ARNT2: variants seen among roughly 807,000 people sequenced by gnomAD.
ARNT2 encodes aryl hydrocarbon receptor nuclear translocator 2.
ARNT2 carries 36 observed loss-of-function variants against 91.7 expected under a neutral mutation model. That is an observed-to-expected ratio of 0.39 (90% CI 0.30 to 0.52). The LOEUF (loss-of-function observed/expected upper bound fraction) is 0.52, where lower values mean the gene tolerates loss of function less well. Among genes scored for constraint, ARNT2 ranks in the 20% least tolerant of loss-of-function variants. The pLI, the probability that ARNT2 is intolerant of heterozygous loss-of-function variation, is 0.72. For synonymous variants in ARNT2, 365 were observed against 347.1 expected, an observed-to-expected ratio of 1.05 and a Z score of -0.57; for missense variants, 775 against 939.3, an observed-to-expected ratio of 0.83 and a Z score of 2.29.
At chr15:80,522,820 G>GTGTATATATA (rs548555538) in intron 8 of ARNT2, among the ~76,000 whole-genome samples, 15 of 135,760 alleles carry the variant, frequency 1.1e-4, no homozygotes, top group South Asian at 2.4e-4. Flanking sequence ...GTGTGTGTGT[G>GTGTATATATA]TATATATATA....
chr15:80,518,764 T>A (rs1229562610), intron 8 of ARNT2, among the ~76,000 whole-genome samples: 1 of 152,118 alleles, frequency 6.6e-6, no homozygotes, highest in Non-Finnish European at 1.5e-5. Flanking sequence ...CCTTAGGCCA[T>A]ATGGGAAGGA....
At chr15:80,492,097 G>C (rs1897065498) in intron 5 of ARNT2, among the ~76,000 whole-genome samples, 1 of 151,888 alleles carries the variant, frequency 6.6e-6, no homozygotes, top group African/African-American at 2.4e-5. Flanking sequence ...CTGGAGTGCA[G>C]TGGCACCATC....
chr15:80,486,919 C>G lies in ARNT2; in HGVS notation c.622+11696C>G, dbSNP rs557989820. Among the ~76,000 whole-genome samples the G allele has an allele frequency of 9.2e-5, 14 of 152,304 alleles. No homozygotes were observed. The South Asian group carries it at 2.9e-3, about 32-fold the overall frequency. On this transcript the variant is annotated intron_variant, in intron 5 of 18. Transcript: ENST00000303329. The stretch of plus-strand genomic sequence containing the variant: ...GGTTACAGGTTGAGCCTTGCTGTAT[C>G]GATTCCTCTGCTTCACTTTCCTGCT...
rs150387697 is a variant in ARNT2, at chr15:80,499,624, G to A, written c.623-8532G>A. On this transcript the variant is annotated intron_variant, in intron 5 of 18. Transcript: ENST00000303329. ...CAGATTCTCAAAGAGAAAAGAGGGG[G>A]AAAGGTGGCAAAGGTCACATTTTGC... is the stretch of plus-strand genomic sequence containing the variant. Among the ~76,000 whole-genome samples the A allele has an allele frequency of 1.9e-3, 282 of 152,336 alleles. 1 individual carries two copies. The highest frequency in any genetic ancestry group is 6.6e-3 in the African/African-American group (275 of 41,576).
At position 80,446,170 on chromosome 15, in the gene ARNT2, G is replaced by C. The variant is rs79092632; in HGVS notation, c.32-4710G>C. Among the ~76,000 whole-genome samples, 87 of 152,160 alleles carry C rather than the reference G, an allele frequency of 5.7e-4. 1 individual carries two copies. Among genetic ancestry groups the C allele is most frequent in the African/African-American group, 1.7e-3 (71 of 41,502 alleles). On this transcript the variant is annotated intron_variant, in intron 1 of 18. Coordinates refer to ENST00000303329, the MANE Select transcript of ARNT2 (RefSeq NM_014862.4). ...AAGGCACAGAGAGGCTAAGTAATTT[G>C]CTCAAGGGTTATATAAAGATCACAC...
chr15:80,432,638 C>T (rs1022566549), intron 1 of ARNT2, among the ~76,000 whole-genome samples: 3 of 152,030 alleles, frequency 2.0e-5, no homozygotes, highest in Non-Finnish European at 4.4e-5. Context: ...AAAAGTTTGC[C>T]AACCTGTGGC....
intron 1 of ARNT2, among the ~76,000 whole-genome samples, chr15:80,410,767 TCTATCTATCTATC>T (rs1895669433): frequency 3.9e-5 from 2 of 51,948 alleles, no homozygotes; most frequent in South Asian, 1.0e-3. Flanking sequence ...TATCTATCTA[TCTATCTATCTATC>T]TATCTATCTA....
intron 1 of ARNT2, among the ~76,000 whole-genome samples, chr15:80,414,541 ATGAAATCCG>A (rs1389123673): frequency 6.6e-6 from 1 of 152,236 alleles, no homozygotes; most frequent in Non-Finnish European, 1.5e-5. Flanking sequence ...TGAGATAATT[ATGAAATCCG>A]TGATGGAAGT....
chr15:80,588,997 G>A (rs973864457), intron 17 of ARNT2, among the ~76,000 whole-genome samples: 2 of 152,296 alleles, frequency 1.3e-5, no homozygotes, highest in East Asian at 3.9e-4. Context: ...TATTTGCCAA[G>A]TGAATAAATG....
intron 8 of ARNT2, among the ~76,000 whole-genome samples, chr15:80,526,392 A>G (rs1186654892): frequency 1.3e-5 from 2 of 152,240 alleles, no homozygotes; most frequent in Non-Finnish European, 2.9e-5. Context: ...CTTCTACCCC[A>G]TTGTTATCAC....
rs560969565 is a variant in ARNT2 at position 80,512,293 on chromosome 15, G to A, written c.726-1618G>A. 3.9e-5 allele frequency among the ~76,000 whole-genome samples: 6 copies of A among 152,280 alleles called. No homozygotes were observed. In the South Asian group the frequency reaches 1.2e-3, roughly 32 times the overall value. ...GCAGAGACCATTTGTTCTGTTTTAC[G>A]AGAAATGGCCCTTCAGGGATTTGAG... is the stretch of plus-strand genomic sequence containing the variant. On this transcript the variant is annotated intron_variant, in intron 6 of 18. Coordinates refer to ENST00000303329, the MANE Select transcript of ARNT2 (RefSeq NM_014862.4).
In ARNT2 at chr15:80,470,679, C is replaced by T. The variant is rs79148831; in HGVS notation, c.408+248C>T. Among the ~76,000 whole-genome samples the T allele has an allele frequency of 3.6e-3, 551 of 152,332 alleles. 1 individual carries two copies. The highest frequency in any genetic ancestry group is 0.012 in the African/African-American group (503 of 41,578). On this transcript the variant is annotated intron_variant, in intron 4 of 18. Transcript: ENST00000303329. ...AAAAATATATTGAGCATTTGAACAT[C>T]GTGCTCAGCACACTGACACAGGAAG...
At chr15:80,521,195 C>G (rs913030079) in intron 8 of ARNT2, among the ~76,000 whole-genome samples, 1 of 152,114 alleles carries the variant, frequency 6.6e-6, no homozygotes, top group Non-Finnish European at 1.5e-5. Context: ...ACTCAAAGAA[C>G]AGATTTTATA....
chr15:80,413,143 C>T (rs773450669), intron 1 of ARNT2, among the ~76,000 whole-genome samples: 4 of 152,266 alleles, frequency 2.6e-5, no homozygotes, highest in Non-Finnish European at 5.9e-5. Context: ...AGTTGCCTTA[C>T]TCAACAGGCA....
chr15:80,417,029 A>G lies in ARNT2; in HGVS notation c.31+12483A>G, dbSNP rs149998880. On this transcript the variant is annotated intron_variant, in intron 1 of 18. Coordinates refer to ENST00000303329, the MANE Select transcript of ARNT2 (RefSeq NM_014862.4). ...GGGTTTTTTAAAAAAAAATTGTAAC[A>G]TTAACACTTTCCTAAACTAAGTATC... 8.5e-5 allele frequency among the ~76,000 whole-genome samples: 13 copies of G among 152,338 alleles called. No individual in the cohort carries two copies. The East Asian group carries it at 2.5e-3, about 29-fold the overall frequency.
At chr15:80,497,170 G>A (rs866754500) in intron 5 of ARNT2, among the ~76,000 whole-genome samples, 1 of 152,226 alleles carries the variant, frequency 6.6e-6, no homozygotes, top group Non-Finnish European at 1.5e-5. Context: ...GCTGCAAAGG[G>A]ATTTTGCCTA....
At chr15:80,433,241 T>TATTTTATTTTATTTTATTTTATTTTA in intron 1 of ARNT2, among the ~76,000 whole-genome samples, 1 of 35,122 alleles carries the variant, frequency 2.8e-5, no homozygotes, top group African/African-American at 8.1e-5. Context: ...TTATTTATTT[T>TATTTTATTTTATTTTATTTTATTTTA]ATTTTATTTT....
intron 14 of ARNT2, among the ~76,000 whole-genome samples, chr15:80,576,131 G>A (rs1898669722): frequency 6.6e-6 from 1 of 152,200 alleles, no homozygotes; most frequent in African/African-American, 2.4e-5. Context: ...TTACCTTGGA[G>A]ATGGGATTCA....
intron 1 of ARNT2, among the ~76,000 whole-genome samples, chr15:80,418,982 A>C (rs912709521): frequency 2.0e-5 from 3 of 152,190 alleles, no homozygotes; most frequent in African/African-American, 4.8e-5. Flanking sequence ...CTGTGCCTTC[A>C]TGCATTTAGA....
Sources: gnomAD v4.1 joint callset for allele counts (sites outside exome capture counted in the v4.1 genomes callset) on GRCh38, gnomAD v4.1.1 for gene constraint, MANE v1.5 for transcripts, NCBI Gene and HGNC (gene_info 2026-07-23, HGNC 2026-07-21) for gene names.